Variants in SLBP observed in about 807,000 individuals in gnomAD.
SLBP encodes stem-loop histone mRNA binding protein, also known as histone RNA hairpin-binding protein.
Under a neutral mutation model 39.2 loss-of-function variants are expected in SLBP, and 29 were observed. That is an observed-to-expected ratio of 0.74 (90% CI 0.55 to 1.01). SLBP has a LOEUF of 1.01. Among genes scored for constraint, SLBP ranks in the 50% least tolerant of loss-of-function variants. The pLI is 0.00. For missense variants in SLBP, 390 were observed against 350.2 expected, an observed-to-expected ratio of 1.11 and a Z score of -0.91; for synonymous variants, 129 against 118.7, an observed-to-expected ratio of 1.09 and a Z score of -0.57.
chr4:1,694,813 T>G lies in SLBP; in HGVS notation c.657A>C (p.Glu219Asp). The change falls in exon 7 of 8, where the codon GAA becomes GAC. Residue 219 changes from glutamate to aspartate, a missense_variant. Physicochemically the swap from Glu to Asp is conservative, Grantham distance 45. Transcript: ENST00000489418. ...EIHPVDLESA[E>D]SSSEPQTSSQ... Reference sequence around the variant, plus strand: ...AGCTGGTCTGGGGCTCGGAGCTGCTTTCTGCAGATTCAAGGTCTACAGGGT... The same window carrying G: ...AGCTGGTCTGGGGCTCGGAGCTGCTGTCTGCAGATTCAAGGTCTACAGGGT... 1 of 1,613,792 alleles carries G rather than the reference T, an allele frequency of 6.2e-7. No homozygotes were observed. The highest frequency in any genetic ancestry group is 1.1e-5 in the South Asian group (1 of 91,080).
At chr4:1,703,006 G>A (rs1321309497) in intron 3 of SLBP, among the ~76,000 whole-genome samples, 1 of 152,084 alleles carries the variant, frequency 6.6e-6, no homozygotes, top group Non-Finnish European at 1.5e-5. Flanking sequence ...CAGCACTTTG[G>A]GAGGCCGAGG....
Position 1,694,843 on chromosome 4 carries a change from G to A in SLBP, c.630-3C>T, listed in dbSNP as rs776928404. On this transcript the variant is annotated splice_region_variant and splice_polypyrimidine_tract_variant and intron_variant, in intron 6 of 7. Coordinates refer to ENST00000489418, the MANE Select transcript of SLBP (RefSeq NM_006527.4). ...CAGATTCAAGGTCTACAGGGTGTCT[G>A]TTAAACAAGATCCAACATGTGCGTC... The A allele has an allele frequency of 1.3e-5, 21 of 1,610,380 alleles. No individual in the cohort carries two copies. The East Asian group carries it at 4.7e-4, about 36-fold the overall frequency.
chr4:1,698,362 T>C (rs1716198847), intron 5 of SLBP, among the ~76,000 whole-genome samples: 1 of 140,760 alleles, frequency 7.1e-6, no homozygotes, highest in Non-Finnish European at 1.5e-5. Context: ...TGAGACATGA[T>C]ATAACACTGC....
intron 2 of SLBP, among the ~76,000 whole-genome samples, chr4:1,704,774 G>A (rs1425325358): frequency 6.6e-6 from 1 of 152,058 alleles, no homozygotes; most frequent in Non-Finnish European, 1.5e-5. Context: ...AAAAGTGCAG[G>A]TCTGGCATTC....
chr4:1,705,542 G>GT (rs1716485941), intron 2 of SLBP, among the ~76,000 whole-genome samples: 1 of 152,138 alleles, frequency 6.6e-6, no homozygotes, highest in African/African-American at 2.4e-5. Flanking sequence ...TGAATTATCT[G>GT]TAAGTCTGAG....
chr4:1,709,669 T>A (rs529502264), intron 2 of SLBP, among the ~76,000 whole-genome samples: 49 of 151,496 alleles, frequency 3.2e-4, no homozygotes, highest in South Asian at 1.5e-3. Context: ...TGGAGTGTAG[T>A]GGGGCGATCT....
chr4:1,703,193 T>G (rs1716391052), intron 3 of SLBP, among the ~76,000 whole-genome samples: 1 of 150,290 alleles, frequency 6.7e-6, no homozygotes, highest in Non-Finnish European at 1.5e-5. Context: ...GCCGAGATCT[T>G]GTCACTGTAC....
Position 1,699,679 on chromosome 4 carries a change from A to G in SLBP, c.364T>C (p.Ser122Pro). The G allele has an allele frequency of 6.2e-7, 1 of 1,613,886 alleles. No homozygotes were observed. The highest frequency in any genetic ancestry group is 2.2e-5 in the East Asian group (1 of 44,878). The change falls in exon 5 of 8, where the codon TCT becomes CCT. Residue 122 changes from serine (S) to proline (P), a missense_variant. Physicochemically the swap from Ser to Pro is moderately conservative, Grantham distance 74 (BLOSUM62 -1). Coordinates refer to ENST00000489418, the MANE Select transcript of SLBP (RefSeq NM_006527.4). ...SGSSDSKESM[S>P]TVPADFETDE... ...GTCTCAAAGTCAGCCGGCACAGTAG[A>G]CATAGACTCCTTTGAATCAGAACTG... is the stretch of plus-strand genomic sequence containing the variant.
chr4:1,703,706 A>G lies in SLBP; in HGVS notation c.177-6T>C. The G allele has an allele frequency of 6.3e-7, 1 of 1,583,788 alleles. No individual in the cohort carries two copies. Among genetic ancestry groups the G allele is most frequent in the Non-Finnish European group, 8.7e-7 (1 of 1,152,370 alleles). ...GGCCTTCAGGAGTGGTAAAGCTGCAATAAAAGGAAAATGCTACTGAACCAT... is the reference window on the plus strand; with the variant it reads ...GGCCTTCAGGAGTGGTAAAGCTGCAGTAAAAGGAAAATGCTACTGAACCAT... On this transcript the variant is annotated splice_polypyrimidine_tract_variant and splice_region_variant and intron_variant, in intron 2 of 7. Coordinates refer to ENST00000489418, the MANE Select transcript of SLBP (RefSeq NM_006527.4).
chr4:1,700,202 A>C, intron 3 of SLBP, 132 bp from the exon 4 acceptor site: 1 of 492,208 alleles, frequency 2.0e-6, no homozygotes. Flanking sequence ...GGCCAAAAGA[A>C]ATCTTTGTCA....
At chr4:1,710,025 C>T (rs1716676866) in intron 2 of SLBP, among the ~76,000 whole-genome samples, 1 of 152,186 alleles carries the variant, frequency 6.6e-6, no homozygotes, top group South Asian at 2.1e-4. Flanking sequence ...CTTAACCTGT[C>T]TCTTCTCATT....
In SLBP at chr4:1,699,443, T is replaced by G. The variant is rs1716242675; in HGVS notation, c.479+121A>C. 5 of 859,952 alleles carry G rather than the reference T, an allele frequency of 5.8e-6. No individual in the cohort carries two copies. The South Asian group carries it at 1.0e-4, about 17-fold the overall frequency. The allele number at this position is 859,952 out of a possible 1,614,324, so 53.3% of individuals were successfully genotyped here. ...GTCATAAGCCCCAGTAAGTCCCTAT[T>G]AAATAGCTCTTAGCAGGTGTGAACT... On this transcript the variant is annotated intron_variant, in intron 5 of 7. Transcript: ENST00000489418.
At chr4:1,698,841 A>C (rs970553419) in intron 5 of SLBP, among the ~76,000 whole-genome samples, 12 of 151,746 alleles carry the variant, frequency 7.9e-5, no homozygotes, top group Admixed American at 7.9e-4. Context: ...CCCAGGCTGG[A>C]GTGCAGTGGT....
chr4:1,697,122 C>T (rs936297545), intron 5 of SLBP, among the ~76,000 whole-genome samples: 1 of 133,480 alleles, frequency 7.5e-6, no homozygotes, highest in African/African-American at 2.8e-5. Flanking sequence ...CATGCCACTG[C>T]AACTCCAGTC....
chr4:1,708,383 C>T (rs1157462605), intron 2 of SLBP, among the ~76,000 whole-genome samples: 2 of 152,234 alleles, frequency 1.3e-5, no homozygotes, highest in Non-Finnish European at 2.9e-5. Flanking sequence ...ATCATTTCTT[C>T]CCTTACAGTC....
At chr4:1,710,735 T>G (rs1432339011) in intron 2 of SLBP, among the ~76,000 whole-genome samples, 1 of 151,770 alleles carries the variant, frequency 6.6e-6, no homozygotes, top group African/African-American at 2.4e-5. Flanking sequence ...TCTGTAGGTA[T>G]CTGCTTAGAA....
intron 2 of SLBP, among the ~76,000 whole-genome samples, chr4:1,708,679 G>A (rs1560260198): frequency 6.6e-6 from 1 of 152,190 alleles, no homozygotes. Context: ...CCATTTCTTA[G>A]ATTAAGTAGG....
chr4:1,708,295 C>A (rs985623864), intron 2 of SLBP, among the ~76,000 whole-genome samples: 2 of 152,110 alleles, frequency 1.3e-5, no homozygotes, highest in African/African-American at 4.8e-5. Flanking sequence ...AAATAAGCAA[C>A]CTATTTTAGC....
Position 1,711,648 on chromosome 4 carries a change from G to A in SLBP, c.176+226C>T, listed in dbSNP as rs1026010963. 2.0e-5 allele frequency among the ~76,000 whole-genome samples: 3 copies of A among 152,240 alleles called. 1 individual carries two copies. Among genetic ancestry groups the A allele is most frequent in the East Asian group, 3.9e-4 (2 of 5,192 alleles). ...CTCGAACTGGCTAACTCGGGCTGACGCCGGTTCAGCTGACTCCCATCCTGG... is the reference window on the plus strand; with the variant it reads ...CTCGAACTGGCTAACTCGGGCTGACACCGGTTCAGCTGACTCCCATCCTGG... On this transcript the variant is annotated intron_variant, in intron 2 of 7. Coordinates refer to ENST00000489418, the MANE Select transcript of SLBP (RefSeq NM_006527.4).
Sources: allele counts gnomAD v4.1 joint callset (sites outside exome capture counted in the v4.1 genomes callset), GRCh38; gene constraint gnomAD v4.1.1; transcripts MANE v1.5; gene names NCBI Gene and HGNC (gene_info 2026-07-23, HGNC 2026-07-21).